YARS1: variants seen among roughly 807,000 people sequenced by gnomAD.
YARS1 encodes tyrosyl-tRNA synthetase 1.
Under a neutral mutation model 62.2 loss-of-function variants are expected in YARS1, and 36 were observed. The ratio of observed to expected loss-of-function variants is 0.58; its 90% CI spans 0.44 to 0.76. The LOEUF (loss-of-function observed/expected upper bound fraction) is 0.76, where lower values mean the gene tolerates loss of function less well. YARS1 is among the 30% of genes least tolerant of loss of function. The probability of loss-of-function intolerance (pLI) is 0.00; values close to 1 mark genes in which losing one functional copy is unlikely to be tolerated. For synonymous variants in YARS1, 234 were observed against 244.9 expected, an observed-to-expected ratio of 0.96 and a Z score of 0.42; for missense variants, 524 against 639.8, an observed-to-expected ratio of 0.82 and a Z score of 1.95.
At chr1:32,793,127 T>C (rs746896006) in intron 5 of YARS1, among the ~76,000 whole-genome samples, 3 of 151,990 alleles carry the variant, frequency 2.0e-5, no homozygotes, top group Non-Finnish European at 4.4e-5. Flanking sequence ...CAATAGAACA[T>C]ATCCAAAGTA....
At chr1:32,815,143 A>AT (rs1311476290) in intron 1 of YARS1, among the ~76,000 whole-genome samples, 2 of 152,124 alleles carry the variant, frequency 1.3e-5, no homozygotes, top group African/African-American at 4.8e-5. Flanking sequence ...GAGGTCAGGA[A>AT]TTTGAGACCA....
Position 32,810,711 on chromosome 1 carries a change from C to T in YARS1, c.260G>A (p.Trp87Ter), listed in dbSNP as rs776952611. 31 of 1,614,070 alleles carry T rather than the reference C, an allele frequency of 1.9e-5. No individual in the cohort carries two copies. The highest frequency in any genetic ancestry group is 2.6e-5 in the Non-Finnish European group (31 of 1,180,046). Residue 87 changes from tryptophan (W) to a stop codon, truncating the protein, a stop_gained, in exon 3 of 13, where the codon TGG (tryptophan) becomes TAG (stop). Coordinates refer to ENST00000373477, the MANE Select transcript of YARS1 (RefSeq NM_003680.4). LOFTEE classifies it high-confidence loss of function. The stretch of plus-strand genomic sequence containing the variant: ...ACTGACTCGGAGTTCTAGAAGTTCC[C>T]ATGGGGCTTTCATGTTATCCAGGTA... ...HAYLDNMKAP[W>*]ELLELRVSYY...
chr1:32,797,505 C>T (rs1653644275), intron 5 of YARS1: 9 of 546,622 alleles, frequency 1.6e-5, no homozygotes, highest in Admixed American at 1.3e-4. Flanking sequence ...CCAACAGGTG[C>T]GGGAGCAGCT....
intron 4 of YARS1, among the ~76,000 whole-genome samples, chr1:32,799,776 A>G (rs766061967): frequency 6.6e-6 from 1 of 152,214 alleles, no homozygotes; most frequent in Non-Finnish European, 1.5e-5. Context: ...AGGCTACCAC[A>G]TTAGACAGTA....
intron 5 of YARS1, among the ~76,000 whole-genome samples, chr1:32,796,259 G>T (rs1057009207): frequency 1.3e-5 from 2 of 152,208 alleles, no homozygotes; most frequent in African/African-American, 4.8e-5. Flanking sequence ...TCGCGCCACT[G>T]CACTCCAGCC....
intron 9 of YARS1, 127 bp downstream of exon 9, chr1:32,782,277 G>T: frequency 6.7e-7 from 1 of 1,500,614 alleles, no homozygotes. Context: ...GAGCCAGTAG[G>T]ACATGACATT....
chr1:32,806,549 G>C lies in YARS1; in HGVS notation c.443C>G (p.Ala148Gly). Residue 148 changes from alanine (A) to glycine (G), a missense_variant, in exon 4 of 13, where the codon GCT becomes GGT. By Grantham distance (60) the Ala-to-Gly change is moderately conservative. Coordinates refer to ENST00000373477, the MANE Select transcript of YARS1 (RefSeq NM_003680.4). ...CACCTGCTTTACCACCTCAGCTCCA[G>C]CCTTCTTGGAATCGTGCTGTGTGAC... ...SVVTQHDSKK[A>G]GAEVVKQVEH... The C allele has an allele frequency of 6.2e-7, 1 of 1,614,166 alleles. No homozygotes were observed. Among genetic ancestry groups the C allele is most frequent in the Non-Finnish European group, 8.5e-7 (1 of 1,180,032 alleles).
At chr1:32,813,608 C>A (rs574096070) in intron 1 of YARS1, among the ~76,000 whole-genome samples, 1 of 152,224 alleles carries the variant, frequency 6.6e-6, no homozygotes, top group Admixed American at 6.5e-5. Flanking sequence ...GTGTGGGCCA[C>A]CACACCTGGC....
At chr1:32,786,859 C>A in intron 7 of YARS1, 81 bp downstream of exon 7, 1 of 1,585,648 alleles carries the variant, frequency 6.3e-7, no homozygotes, top group Admixed American at 1.7e-5. Context: ...AAGGAAGAGT[C>A]TGTGACAAAT....
intron 5 of YARS1, among the ~76,000 whole-genome samples, chr1:32,791,783 C>T (rs895855638): frequency 1.3e-5 from 2 of 152,046 alleles, no homozygotes; most frequent in African/African-American, 4.8e-5. Flanking sequence ...GCCTGGGCGA[C>T]AAGAGCGAGA....
Position 32,780,140 on chromosome 1 carries a change from T to G in YARS1, c.1279A>C (p.Lys427Gln), listed in dbSNP as rs1653003612. Residue 427 changes from lysine (K) to glutamine (Q), a missense_variant, in exon 11 of 13, where the codon AAA becomes CAA. Lys to Gln is a moderately conservative substitution (Grantham distance 53, BLOSUM62 1). Transcript: ENST00000373477. ...TCGACTCCTCTCATCTTCTGGGGTTTCAGGTTGCACAGCACCACTACCAGC... is the reference window on the plus strand; with the variant it reads ...TCGACTCCTCTCATCTTCTGGGGTTGCAGGTTGCACAGCACCACTACCAGC... ...DRLVVVLCNLKPQKMRGVESQ... is the reference protein window; with the variant it reads ...DRLVVVLCNLQPQKMRGVESQ... 3 of 1,614,006 alleles carry G rather than the reference T, an allele frequency of 1.9e-6. No homozygotes were observed. The African/African-American group carries it at 4.0e-5, about 22-fold the overall frequency.
At chr1:32,798,370 G>T (rs891460541) in intron 4 of YARS1, among the ~76,000 whole-genome samples, 3 of 152,208 alleles carry the variant, frequency 2.0e-5, no homozygotes, top group Non-Finnish European at 4.4e-5. Flanking sequence ...AAAAAAATAA[G>T]AGTAGTCTCT....
intron 3 of YARS1, among the ~76,000 whole-genome samples, chr1:32,807,255 T>A (rs551750619): frequency 6.6e-6 from 1 of 152,272 alleles, no homozygotes; most frequent in African/African-American, 2.4e-5. Context: ...TAGTTCACCA[T>A]CTTCTCGGTT....
chr1:32,797,571 A>G (rs545285962), intron 5 of YARS1, 192 bp downstream of exon 5: 8 of 614,872 alleles, frequency 1.3e-5, no homozygotes, highest in South Asian at 7.6e-5. Context: ...GGGTACTAAT[A>G]ATTCCTGCTC....
At chr1:32,804,554 G>A (rs1477058458) in intron 4 of YARS1, among the ~76,000 whole-genome samples, 1 of 151,910 alleles carries the variant, frequency 6.6e-6, no homozygotes, top group South Asian at 2.1e-4. Flanking sequence ...CCTCCCAGAC[G>A]GGGTGGCGGT....
chr1:32,775,692 T>C lies in YARS1; in HGVS notation c.*289A>G, dbSNP rs1443191058. On this transcript the variant is annotated 3_prime_UTR_variant, in exon 13 of 13. Transcript: ENST00000373477. ...AAGGACTGTGGCATAAATTTTTAAATGAGTTATATTGAAACCAGATTTCTC... is the reference window on the plus strand; with the variant it reads ...AAGGACTGTGGCATAAATTTTTAAACGAGTTATATTGAAACCAGATTTCTC... 1.7e-5 allele frequency: 8 copies of C among 462,506 alleles called. No individual in the cohort carries two copies. Among genetic ancestry groups the C allele is most frequent in the Non-Finnish European group, 2.7e-5 (7 of 255,316 alleles). The allele number at this position is 462,506 out of a possible 1,614,324, so 28.7% of individuals were successfully genotyped here.
chr1:32,806,620 G>A lies in YARS1; in HGVS notation c.381-9C>T. ...CATCTAGTGTGTACTCTCTGAAGAGGAAAGGAAGAGGGGACAGCTGTAAAC... is the reference window on the plus strand; with the variant it reads ...CATCTAGTGTGTACTCTCTGAAGAGAAAAGGAAGAGGGGACAGCTGTAAAC... On this transcript the variant is annotated splice_polypyrimidine_tract_variant and intron_variant, in intron 3 of 12. Coordinates refer to ENST00000373477, the MANE Select transcript of YARS1 (RefSeq NM_003680.4). The A allele has an allele frequency of 1.2e-6, 2 of 1,614,138 alleles. No homozygotes were observed. The highest frequency in any genetic ancestry group is 1.7e-6 in the Non-Finnish European group (2 of 1,180,014).
rs977864346 is a variant in YARS1 at position 32,807,681 on chromosome 1, C to G, written c.381-1070G>C. ...CCCCATTGCCCAGGCTGGTCTGGAA[C>G]TGCTGGGCTCGAGCAATCTGCCCAC... On this transcript the variant is annotated intron_variant, in intron 3 of 12. Transcript: ENST00000373477. Among the ~76,000 whole-genome samples, 8 of 152,180 alleles carry G rather than the reference C, an allele frequency of 5.3e-5. No homozygotes were observed. The South Asian group carries it at 1.2e-3, about 24-fold the overall frequency.
At chr1:32,800,496 A>T (rs1265455150) in intron 4 of YARS1, among the ~76,000 whole-genome samples, 1 of 152,180 alleles carries the variant, frequency 6.6e-6, no homozygotes, top group Non-Finnish European at 1.5e-5. Context: ...AATTAAAAAA[A>T]ATTATACAGA....
Sources: gnomAD v4.1 joint callset for allele counts (sites outside exome capture counted in the v4.1 genomes callset) on GRCh38, gnomAD v4.1.1 for gene constraint, MANE v1.5 for transcripts, NCBI Gene and HGNC (gene_info 2026-07-23, HGNC 2026-07-21) for gene names.